The following KIAA0825 variants were observed in gnomAD, a reference collection of about 807,000 sequenced individuals.
KIAA0825 encodes uncharacterized protein KIAA0825.
Under a neutral mutation model 147.6 loss-of-function variants are expected in KIAA0825, and 119 were observed. The observed-to-expected ratio is 0.81, with a 90% CI of 0.69 to 0.94. KIAA0825 has a LOEUF of 0.94. Ranked by LOEUF, KIAA0825 falls within the 40% of genes least tolerant of loss-of-function variation. The probability of loss-of-function intolerance (pLI) is 0.00; values close to 1 mark genes in which losing one functional copy is unlikely to be tolerated. For missense variants in KIAA0825, 1,381 were observed against 1,472.7 expected (o/e 0.94, Z 1.02); for synonymous variants, 470 against 518.1 (o/e 0.91, Z 1.26).
intron 5 of KIAA0825, among the ~76,000 whole-genome samples, chr5:94,496,941 T>A (rs1425318696): frequency 6.6e-6 from 1 of 152,174 alleles, no homozygotes; most frequent in African/African-American, 2.4e-5. Flanking sequence ...GAGCCCCTGA[T>A]AAAATCCCAT....
At chr5:94,368,403 G>A (rs1030189615) in intron 20 of KIAA0825, among the ~76,000 whole-genome samples, 1 of 152,090 alleles carries the variant, frequency 6.6e-6, no homozygotes, top group African/African-American at 2.4e-5. Flanking sequence ...GAACTCCTAG[G>A]CTCAAGGGAT....
At chr5:94,582,764 G>A (rs1782444906) in intron 1 of KIAA0825, among the ~76,000 whole-genome samples, 181 bp from the exon 2 acceptor site, 1 of 152,078 alleles carries the variant, frequency 6.6e-6, no homozygotes, top group African/African-American at 2.4e-5. Context: ...CATAAGAAAA[G>A]CTTATTAATA....
chr5:94,217,036 C>A (rs1302728105), intron 20 of KIAA0825, among the ~76,000 whole-genome samples: 1 of 152,032 alleles, frequency 6.6e-6, no homozygotes, highest in Non-Finnish European at 1.5e-5. Context: ...TATGACATAT[C>A]CATGTTGACA....
At chr5:94,520,150 G>A (rs1767887524) in intron 5 of KIAA0825, 98 bp downstream of exon 5, 5 of 1,312,780 alleles carry the variant, frequency 3.8e-6, no homozygotes, top group Non-Finnish European at 4.9e-6. Flanking sequence ...TAATTTTCAT[G>A]TTTGCAGTGA....
At chr5:94,590,361 A>T (rs1375184596) in intron 1 of KIAA0825, among the ~76,000 whole-genome samples, 2 of 152,306 alleles carry the variant, frequency 1.3e-5, no homozygotes, top group African/African-American at 2.4e-5. Context: ...TCTGGTATAC[A>T]AGTCCTTAAA....
chr5:94,497,469 G>T (rs963165417), intron 5 of KIAA0825, among the ~76,000 whole-genome samples: 1 of 151,998 alleles, frequency 6.6e-6, no homozygotes, highest in African/African-American at 2.4e-5. Context: ...GCATAAATAG[G>T]TGGAAAGCAC....
intron 1 of KIAA0825, chr5:94,592,682 G>A (rs774429405): frequency 1.6e-4 from 44 of 275,784 alleles, no homozygotes; most frequent in Non-Finnish European, 2.9e-4. Flanking sequence ...AATACACGAA[G>A]GAAAAACAGT....
rs62364586 is a variant in KIAA0825 at position 94,384,466 on chromosome 5, T to C, written c.3620-8A>G. 27,465 of 1,547,060 alleles carry C rather than the reference T, an allele frequency of 0.018. 331 individuals are homozygous for C. The highest frequency in any genetic ancestry group is 0.031 in the Middle Eastern group (185 of 5,988). ...AGTTCCATTTTGTGATGGCTGACTGTTGATAAATGAGAAGACACTATTGTT... is the reference window on the plus strand; with the variant it reads ...AGTTCCATTTTGTGATGGCTGACTGCTGATAAATGAGAAGACACTATTGTT... On this transcript the variant is annotated splice_region_variant and splice_polypyrimidine_tract_variant and intron_variant, in intron 19 of 20. Transcript: ENST00000682413.
chr5:94,247,344 C>A (rs1349603162), intron 20 of KIAA0825, among the ~76,000 whole-genome samples: 1 of 152,048 alleles, frequency 6.6e-6, no homozygotes, highest in Non-Finnish European at 1.5e-5. Context: ...CCATTGTAGA[C>A]AAAGAACAGA....
intron 20 of KIAA0825, among the ~76,000 whole-genome samples, chr5:94,265,785 G>C (rs941418224): frequency 1.3e-5 from 2 of 151,966 alleles, no homozygotes; most frequent in African/African-American, 2.4e-5. Context: ...TGGGTGACAG[G>C]GCGAGACTCC....
chr5:94,562,669 T>C (rs1238078040), intron 2 of KIAA0825, among the ~76,000 whole-genome samples: 1 of 152,238 alleles, frequency 6.6e-6, no homozygotes, highest in Non-Finnish European at 1.5e-5. Flanking sequence ...CAGTTAAGCA[T>C]GCATTTTAAT....
At chr5:94,303,766 T>C (rs1402589752) in intron 20 of KIAA0825, among the ~76,000 whole-genome samples, 3 of 152,054 alleles carry the variant, frequency 2.0e-5, no homozygotes, top group African/African-American at 7.2e-5. Context: ...GGAAAAGCTG[T>C]GGCAATCTCT....
At position 94,171,624 on chromosome 5, in the gene KIAA0825, CT is replaced by C. The variant is rs545401795; in HGVS notation, c.3711-17501del. Among the ~76,000 whole-genome samples, 61 of 152,138 alleles carry C rather than the reference CT, an allele frequency of 4.0e-4. 1 individual carries two copies. The highest frequency in any genetic ancestry group is 1.4e-3 in the African/African-American group (60 of 41,520). On this transcript the variant is annotated intron_variant, in intron 20 of 20. Coordinates refer to ENST00000682413, the MANE Select transcript of KIAA0825 (RefSeq NM_001145678.3). ...TTCAGGAAAATGTCAGCAGAATTAA[CT>C]TTTTTTCAAAACAAAATCTAGCTTT...
intron 20 of KIAA0825, among the ~76,000 whole-genome samples, chr5:94,272,517 A>G (rs2150144643): frequency 6.6e-6 from 1 of 152,232 alleles, no homozygotes; most frequent in East Asian, 1.9e-4. Flanking sequence ...TTTAAGTAAA[A>G]AACAAGACAT....
intron 20 of KIAA0825, among the ~76,000 whole-genome samples, chr5:94,353,566 C>T (rs968365709): frequency 1.3e-5 from 2 of 152,064 alleles, no homozygotes; most frequent in Non-Finnish European, 1.5e-5. Context: ...TTATTTACCA[C>T]TAACAGTATA....
chr5:94,465,187 A>G, intron 10 of KIAA0825, 128 bp from the exon 11 acceptor site: 1 of 774,548 alleles, frequency 1.3e-6, no homozygotes, highest in South Asian at 2.3e-5. Flanking sequence ...GAAGACCAAC[A>G]AAGATTTTTG....
chr5:94,397,886 T>A (rs908981975), intron 16 of KIAA0825, among the ~76,000 whole-genome samples: 4 of 152,092 alleles, frequency 2.6e-5, no homozygotes, highest in Non-Finnish European at 5.9e-5. Context: ...TGTGTCCTCA[T>A]CACCATCAAC....
At chr5:94,547,088 T>G (rs1441859370) in intron 2 of KIAA0825, among the ~76,000 whole-genome samples, 1 of 150,450 alleles carries the variant, frequency 6.6e-6, no homozygotes, top group Admixed American at 6.6e-5. Context: ...AGCATTGGAG[T>G]CTCATAAAAG....
rs1376035303 is a variant in KIAA0825 at position 94,396,139 on chromosome 5, T to A, written c.3258A>T (p.Glu1086Asp). 6.6e-7 allele frequency: 1 copy of A among 1,515,810 alleles called. No individual in the cohort carries two copies. Among genetic ancestry groups the A allele is most frequent in the Admixed American group, 2.4e-5 (1 of 42,226 alleles). The allele number at this position is 1,515,810 out of a possible 1,614,324, so 93.9% of individuals were successfully genotyped here. Reference protein sequence around the residue: ...SIEQQKPNWIERQLLKARKLS... With the variant: ...SIEQQKPNWIDRQLLKARKLS... ...GTTTCCTTGCTTTCAACAATTGACG[T>A]TCAATCCAGTTGGGCTTCTGCTGCT... The change falls in exon 17 of 21, where the codon GAA becomes GAT. Residue 1086 changes from glutamate to aspartate, a missense_variant. Physicochemically the swap from Glu to Asp is conservative, Grantham distance 45 (BLOSUM62 2). Transcript: ENST00000682413.
Sources: allele counts gnomAD v4.1 joint callset (sites outside exome capture counted in the v4.1 genomes callset), GRCh38; gene constraint gnomAD v4.1.1; transcripts MANE v1.5; gene names NCBI Gene and HGNC (gene_info 2026-07-23, HGNC 2026-07-21).